LRP5: variants seen among roughly 807,000 people sequenced by gnomAD.
LRP5 encodes the protein LDL receptor related protein 5, also known as low-density lipoprotein receptor-related protein 5.
LRP5 carries 62 observed loss-of-function variants against 154.1 expected under a neutral mutation model. The observed-to-expected ratio is 0.40, with a 90% CI of 0.33 to 0.50. LRP5 has a LOEUF of 0.50. LRP5 is among the 20% of genes least tolerant of loss of function. The pLI is 0.55. For missense variants in LRP5, 1,915 were observed against 2,336.7 expected (o/e 0.82, Z 3.72); for synonymous variants, 966 against 1,011.5 (o/e 0.96, Z 0.85).
At chr11:68,408,271 G>C (rs1309843381) in intron 9 of LRP5, among the ~76,000 whole-genome samples, 1 of 75,210 alleles carries the variant, frequency 1.3e-5, no homozygotes, top group African/African-American at 4.3e-5. Flanking sequence ...TTTTTTTGGG[G>C]AGACAGGGTT....
At chr11:68,395,515 A>G (rs533441664) in intron 7 of LRP5, among the ~76,000 whole-genome samples, 1 of 152,208 alleles carries the variant, frequency 6.6e-6, no homozygotes, top group South Asian at 2.1e-4. Flanking sequence ...TTTGGTGGCC[A>G]GAACTTGGGG....
intron 1 of LRP5, among the ~76,000 whole-genome samples, chr11:68,313,084 G>C (rs1183006117): frequency 6.7e-6 from 1 of 148,270 alleles, no homozygotes; most frequent in Non-Finnish European, 1.5e-5. Context: ...GTCCTCACCT[G>C]CCCGAGCCCG....
intron 9 of LRP5, among the ~76,000 whole-genome samples, chr11:68,409,166 AATAT>A (rs1394426020): frequency 7.3e-6 from 1 of 137,742 alleles, no homozygotes; most frequent in Non-Finnish European, 1.5e-5. Context: ...ATAATATAAA[AATAT>A]ATATTTATAA....
At chr11:68,308,156 ACT>A (rs569371490), upstream of LRP5, among the ~76,000 whole-genome samples, 44 of 152,266 alleles carry the variant, frequency 2.9e-4, no homozygotes, top group South Asian at 8.9e-3. Context: ...GGCAGTGGGC[ACT>A]CTCACTGGGG....
At chr11:68,418,472 TGTG>T (rs2098663816) in intron 13 of LRP5, among the ~76,000 whole-genome samples, 1 of 151,726 alleles carries the variant, frequency 6.6e-6, no homozygotes, top group Non-Finnish European at 1.5e-5. Context: ...CTTGTGTTAT[TGTG>T]GTGAAATCTT....
At chr11:68,391,918 T>G (rs1289980700) in intron 7 of LRP5, among the ~76,000 whole-genome samples, 8 of 152,212 alleles carry the variant, frequency 5.3e-5, no homozygotes, top group African/African-American at 1.9e-4. Context: ...CACGGCTCGC[T>G]GTAGCCTCAA....
intron 7 of LRP5, among the ~76,000 whole-genome samples, chr11:68,396,692 G>T (rs2098649550): frequency 6.6e-6 from 1 of 151,198 alleles, no homozygotes; most frequent in Admixed American, 6.6e-5. Context: ...CTGGGAATCA[G>T]CTTCCAGGCC....
At chr11:68,432,660 G>T (rs1209772200) in intron 17 of LRP5, among the ~76,000 whole-genome samples, 1 of 152,162 alleles carries the variant, frequency 6.6e-6, no homozygotes, top group Non-Finnish European at 1.5e-5. Flanking sequence ...GGCCTGGGCC[G>T]ATTTCCCAGC....
At chr11:68,439,441 T>C (rs745321585) in intron 20 of LRP5, among the ~76,000 whole-genome samples, 67 of 152,194 alleles carry the variant, frequency 4.4e-4, no homozygotes, top group Non-Finnish European at 7.3e-4. Flanking sequence ...GAGCCCACAG[T>C]GGTGGCACCA....
intron 5 of LRP5, among the ~76,000 whole-genome samples, chr11:68,378,506 C>G (rs934259042): frequency 5.1e-4 from 16 of 31,506 alleles, no homozygotes; most frequent in African/African-American, 1.5e-3. Flanking sequence ...GACCCTGTCC[C>G]CGGCATCCTG....
At chr11:68,306,224 C>T in the LRP5 span, among the ~76,000 whole-genome samples, 1 of 152,324 alleles carries the variant, frequency 6.6e-6, no homozygotes, top group South Asian at 2.1e-4. Context: ...CAACCTCCGC[C>T]TCCCAGGTGC....
chr11:68,344,841 A>ATCTC lies in LRP5; in HGVS notation c.92-3000_92-2997dup, dbSNP rs199856972. The stretch of plus-strand genomic sequence containing the variant: ...CATCCATGTTGTAGCATGTGTCAGA[A>ATCTC]TCTCTCTCTTTTTTTTTTTTTTTTT... On this transcript the variant is annotated intron_variant, in intron 1 of 22. Coordinates refer to ENST00000294304, the MANE Select transcript of LRP5 (RefSeq NM_002335.4). Among the ~76,000 whole-genome samples, 406 of 138,522 alleles carry ATCTC rather than the reference A, an allele frequency of 2.9e-3. 2 individuals are homozygous for ATCTC. Among genetic ancestry groups the ATCTC allele is most frequent in the African/African-American group, 0.01 (367 of 35,716 alleles). 90.9% of individuals were successfully genotyped at this position (138,522 alleles called of 152,430 possible).
In LRP5 at chr11:68,421,785, TGTGTGTGTGGG is replaced by T. The variant is rs1422300918; in HGVS notation, c.3028-1694_3028-1684del. On this transcript the variant is annotated intron_variant, in intron 13 of 22. Transcript: ENST00000294304. ...GAGGCACCCTTTCCATCTGGGGGTG[TGTGTGTGTGGG>T]GTGTGTGTGTGTGTGTGCGCGTGTG... is the stretch of plus-strand genomic sequence containing the variant. Among the ~76,000 whole-genome samples, 952 of 106,262 alleles carry T rather than the reference TGTGTGTGTGGG, an allele frequency of 9.0e-3. 8 individuals are homozygous for T. Among genetic ancestry groups the T allele is most frequent in the African/African-American group, 0.043 (890 of 20,728 alleles). 69.7% of individuals were successfully genotyped at this position (106,262 alleles called of 152,430 possible). A position where few individuals can be genotyped will look rare whatever the true frequency, so the allele number is the denominator to read the frequency against.
chr11:68,311,089 G>T (rs1206726783), upstream of LRP5, among the ~76,000 whole-genome samples: 2 of 152,194 alleles, frequency 1.3e-5, no homozygotes, highest in Non-Finnish European at 2.9e-5. Flanking sequence ...TAGTAGAAGT[G>T]TAAGAAGAGC....
Position 68,433,667 on chromosome 11 carries a change from G to A in LRP5, c.3829G>A (p.Ala1277Thr), listed in dbSNP as rs754686025. 1.2e-6 allele frequency: 2 copies of A among 1,613,308 alleles called. No individual in the cohort carries two copies. Among genetic ancestry groups the A allele is most frequent in the Non-Finnish European group, 1.7e-6 (2 of 1,180,004 alleles). The change falls in exon 18 of 23, where the codon GCC becomes ACC. Residue 1277 changes from alanine (A) to threonine (T), a missense_variant. Transcript: ENST00000294304. ...AGGGGAGATCGACTGTATCCCCGGGGCCTGGCGCTGTGACGGCTTTCCCGA... is the reference window on the plus strand; with the variant it reads ...AGGGGAGATCGACTGTATCCCCGGGACCTGGCGCTGTGACGGCTTTCCCGA... ...ATGEIDCIPG[A>T]WRCDGFPECD... is the part of the protein sequence containing the mutation.
intron 1 of LRP5, among the ~76,000 whole-genome samples, chr11:68,319,556 A>G (rs2098595523): frequency 6.6e-6 from 1 of 151,682 alleles, no homozygotes; most frequent in South Asian, 2.1e-4. Flanking sequence ...TTTTCTCACT[A>G]TTGCCCAGCT....
the LRP5 span, among the ~76,000 whole-genome samples, chr11:68,304,600 C>T: frequency 3.3e-5 from 5 of 152,260 alleles, no homozygotes; most frequent in Admixed American, 2.0e-4. Flanking sequence ...CTGGAAAAGC[C>T]GCAGGCCCTC....
chr11:68,300,457 A>G, the LRP5 span, among the ~76,000 whole-genome samples: 11 of 149,356 alleles, frequency 7.4e-5, no homozygotes, highest in East Asian at 2.1e-3. Context: ...TTCTGCCTCC[A>G]TTTTGCTTCA....
intron 7 of LRP5, among the ~76,000 whole-genome samples, chr11:68,394,015 G>T (rs998828747): frequency 6.6e-5 from 10 of 152,068 alleles, no homozygotes; most frequent in Admixed American, 6.6e-4. Context: ...GCGAGCAGGG[G>T]GTCTCTGAGC....
Sources: gnomAD v4.1 joint callset for allele counts (sites outside exome capture counted in the v4.1 genomes callset) on GRCh38, gnomAD v4.1.1 for gene constraint, MANE v1.5 for transcripts, NCBI Gene and HGNC (gene_info 2026-07-23, HGNC 2026-07-21) for gene names.